Variants in CCDC30 observed in about 807,000 individuals in gnomAD.
CCDC30 encodes coiled-coil domain containing 30.
In CCDC30, 70 loss-of-function variants were observed where a neutral mutation model predicts 100.2. That is an observed-to-expected ratio of 0.70 (90% CI 0.58 to 0.85). The LOEUF (loss-of-function observed/expected upper bound fraction) is 0.85, where lower values mean the gene tolerates loss of function less well. Ranked by LOEUF, CCDC30 falls within the 40% of genes least tolerant of loss-of-function variation. CCDC30 has a pLI of 0.00. For synonymous variants in CCDC30, 233 were observed against 269.5 expected (o/e 0.86, Z 1.33); for missense variants, 652 against 771.2 (o/e 0.85, Z 1.83).
At chr1:42,572,215 G>A (rs915586229) in intron 7 of CCDC30, among the ~76,000 whole-genome samples, 2 of 152,076 alleles carry the variant, frequency 1.3e-5, no homozygotes, top group Non-Finnish European at 2.9e-5. Flanking sequence ...CCTAGTATAC[G>A]TGTATAGCAG....
At chr1:42,531,993 T>C (rs1019425183) in intron 6 of CCDC30, among the ~76,000 whole-genome samples, 1 of 152,034 alleles carries the variant, frequency 6.6e-6, no homozygotes, top group African/African-American at 2.4e-5. Context: ...TCAACCTAAC[T>C]ACAAGACCTA....
intron 12 of CCDC30, among the ~76,000 whole-genome samples, chr1:42,638,512 A>C (rs972708851): frequency 1.3e-5 from 2 of 151,554 alleles, no homozygotes; most frequent in Admixed American, 1.3e-4. Flanking sequence ...AAGACTATGG[A>C]AAGTGTATAA....
chr1:42,480,727 A>G (rs777627089), intron 2 of CCDC30, among the ~76,000 whole-genome samples, 161 bp downstream of exon 2: 1 of 152,260 alleles, frequency 6.6e-6, no homozygotes, highest in Non-Finnish European at 1.5e-5. Context: ...AAAAAAACTG[A>G]GTGAGGTAAA....
intron 6 of CCDC30, among the ~76,000 whole-genome samples, chr1:42,552,025 C>T (rs1570027710): frequency 6.6e-6 from 1 of 152,102 alleles, no homozygotes; most frequent in East Asian, 1.9e-4. Context: ...TTTGGCCTCC[C>T]AAAGTGCTGG....
intron 11 of CCDC30, among the ~76,000 whole-genome samples, chr1:42,631,530 A>G (rs1647037419): frequency 6.6e-6 from 1 of 152,166 alleles, no homozygotes; most frequent in South Asian, 2.1e-4. Context: ...AGCAGATGCA[A>G]AGCCAGCAAG....
At chr1:42,553,104 G>A (rs1370269493) in intron 6 of CCDC30, among the ~76,000 whole-genome samples, 1 of 152,152 alleles carries the variant, frequency 6.6e-6, no homozygotes, top group African/African-American at 2.4e-5. Flanking sequence ...ACGTTCAGCT[G>A]GAGTAGGTAG....
At chr1:42,612,051 C>G (rs1460551817) in intron 11 of CCDC30, among the ~76,000 whole-genome samples, 1 of 152,114 alleles carries the variant, frequency 6.6e-6, no homozygotes, top group East Asian at 1.9e-4. Flanking sequence ...CAAGTTCACT[C>G]CTAGTGTCTT....
intron 6 of CCDC30, chr1:42,556,159 C>A (rs149734606): frequency 8.6e-5 from 138 of 1,606,048 alleles, no homozygotes; most frequent in Non-Finnish European, 1.2e-4. Flanking sequence ...CACCAAGTCC[C>A]AAATTAGGAG....
chr1:42,559,050 A>C (rs1253812587), intron 6 of CCDC30, among the ~76,000 whole-genome samples: 1 of 152,222 alleles, frequency 6.6e-6, no homozygotes, highest in Non-Finnish European at 1.5e-5. Context: ...ACTAAGCGTC[A>C]TAAGTGAAGG....
intron 11 of CCDC30, among the ~76,000 whole-genome samples, chr1:42,631,360 T>C (rs564219286): frequency 6.6e-6 from 1 of 152,312 alleles, no homozygotes; most frequent in East Asian, 1.9e-4. Flanking sequence ...CTGAGCCACT[T>C]GGAACTGGGG....
the CCDC30 span, chr1:42,457,066 T>G: frequency 6.3e-7 from 1 of 1,595,884 alleles, no homozygotes; most frequent in South Asian, 1.1e-5. Flanking sequence ...AGGCACTCAA[T>G]CCGCTAGGTG....
upstream of CCDC30, chr1:42,460,076 T>C (rs1643369674): frequency 1.4e-6 from 2 of 1,408,140 alleles, no homozygotes; most frequent in Admixed American, 6.0e-5. Context: ...GGCATTTGTC[T>C]TTTAATGACA....
chr1:42,589,566 C>A (rs1646143484), intron 10 of CCDC30, 83 bp downstream of exon 14: 2 of 1,240,726 alleles, frequency 1.6e-6, no homozygotes, highest in Non-Finnish European at 1.2e-6. Flanking sequence ...TAGCACTTTA[C>A]TAAACCTAAT....
intron 6 of CCDC30, among the ~76,000 whole-genome samples, chr1:42,509,595 A>T (rs72954336): frequency 0.014 from 2,193 of 152,300 alleles, 46 homozygotes; most frequent in African/African-American, 0.049. Flanking sequence ...ACATAAAACA[A>T]GAAGAGGCCT....
intron 6 of CCDC30, among the ~76,000 whole-genome samples, chr1:42,501,297 T>C (rs1644308169): frequency 6.6e-6 from 1 of 152,248 alleles, no homozygotes; most frequent in Non-Finnish European, 1.5e-5. Context: ...TCCTTATGGA[T>C]TAAGGTTGGT....
chr1:42,591,582 C>G (rs947824671), intron 10 of CCDC30: 11 of 152,348 alleles, frequency 7.2e-5, no homozygotes, highest in African/African-American at 2.7e-4. Flanking sequence ...GGTGCCCAGG[C>G]AGAACCCTGC....
chr1:42,558,558 T>C (rs535388045), intron 6 of CCDC30, among the ~76,000 whole-genome samples: 1 of 152,322 alleles, frequency 6.6e-6, no homozygotes, highest in African/African-American at 2.4e-5. Context: ...GATGAGGGAA[T>C]TGAAGTATAG....
intron 5 of CCDC30, 32 bp from the exon 6 acceptor site, chr1:42,498,786 A>T (rs1164571292): frequency 9.5e-7 from 1 of 1,055,494 alleles, no homozygotes; most frequent in Non-Finnish European, 1.2e-6. Flanking sequence ...AAAAATTGAG[A>T]AGTCTACAAG....
At chr1:42,561,270 G>C (rs1415024903) in intron 6 of CCDC30, among the ~76,000 whole-genome samples, 3 of 152,176 alleles carry the variant, frequency 2.0e-5, no homozygotes, top group Non-Finnish European at 4.4e-5. Context: ...AATTAAGCTG[G>C]CTTCATCACT....
Sources: gnomAD v4.1 joint callset for allele counts (sites outside exome capture counted in the v4.1 genomes callset) on GRCh38, gnomAD v4.1.1 for gene constraint, MANE v1.5 for transcripts, NCBI Gene and HGNC (gene_info 2026-07-23, HGNC 2026-07-21) for gene names.